The following PAK4 variants were observed in gnomAD, a reference collection of about 807,000 sequenced individuals.
The protein encoded by PAK4 is p21 (RAC1) activated kinase 4, also known as serine/threonine-protein kinase PAK 4.
Under a neutral mutation model 53.5 loss-of-function variants are expected in PAK4, and 49 were observed. The ratio of observed to expected loss-of-function variants is 0.92; its 90% CI spans 0.73 to 1.16. The LOEUF (loss-of-function observed/expected upper bound fraction) is 1.16, where lower values mean the gene tolerates loss of function less well. Among genes scored for constraint, PAK4 ranks in the 50% most tolerant of loss-of-function variants. The pLI, the probability that PAK4 is intolerant of heterozygous loss-of-function variation, is 0.00. For missense variants in PAK4, 824 were observed against 850.7 expected, an observed-to-expected ratio of 0.97 and a Z score of 0.39; for synonymous variants, 376 against 375.6, an observed-to-expected ratio of 1.00 and a Z score of -0.01.
rs1227321508 is a variant in PAK4 at position 39,161,817 on chromosome 19, C to T, written c.-22-7715C>T. 1.3e-5 allele frequency among the ~76,000 whole-genome samples: 2 copies of T among 152,020 alleles called. No individual in the cohort carries two copies. The highest frequency in any genetic ancestry group is 2.4e-5 in the African/African-American group (1 of 41,368). On this transcript the variant is annotated intron_variant, in intron 1 of 8. Transcript: ENST00000358301. This position sits in a 1 kb window ranked among gnomAD's most constrained non-coding sequence, Gnocchi z 4.5. ...TCCCTTGACCATATCAAGCAAATTCCTACCGCCCTGGCTGTTCCTTCCTCC... is the reference window on the plus strand; with the variant it reads ...TCCCTTGACCATATCAAGCAAATTCTTACCGCCCTGGCTGTTCCTTCCTCC...
At position 39,177,667 on chromosome 19, in the gene PAK4, C is replaced by A; in HGVS notation, c.1486-8C>A. ...AGCTCAGCCCTGCTGTCCCTTCTCC[C>A]GCCCCAGGTAGACATCTGGTCGCTG... On this transcript the variant is annotated splice_polypyrimidine_tract_variant and splice_region_variant and intron_variant, in intron 7 of 8. Coordinates refer to ENST00000358301, the Ensembl canonical transcript of PAK4. 1 of 1,610,386 alleles carries A rather than the reference C, an allele frequency of 6.2e-7. No homozygotes were observed. Among genetic ancestry groups the A allele is most frequent in the Non-Finnish European group, 8.5e-7 (1 of 1,177,726 alleles).
chr19:39,126,654 A>G (rs913127842), intron 1 of PAK4, among the ~76,000 whole-genome samples: 1 of 152,014 alleles, frequency 6.6e-6, no homozygotes, highest in South Asian at 2.1e-4. Flanking sequence ...GCACAAGGTC[A>G]CCCGATGCAT....
intron 1 of PAK4, chr19:39,152,127 G>A (rs1221848713): frequency 4.0e-5 from 6 of 151,078 alleles, no homozygotes; most frequent in African/African-American, 1.5e-4. Flanking sequence ...TAGAGACGAG[G>A]TCTCCCTATA....
chr19:39,149,913 A>G (rs2074065838), intron 1 of PAK4, among the ~76,000 whole-genome samples: 1 of 152,152 alleles, frequency 6.6e-6, no homozygotes, highest in African/African-American at 2.4e-5. Context: ...AGAAAGTAGA[A>G]CAGAGGTTAT....
At chr19:39,169,683 G>A (rs200500244) in exon 2 of PAK4, 10 of 1,612,990 alleles carry the variant, frequency 6.2e-6, no homozygotes, top group South Asian at 3.3e-5. Context: ...GAGCCTGATC[G>A]AGGAGTCGGC....
chr19:39,128,513 C>T (rs909362725), intron 1 of PAK4, among the ~76,000 whole-genome samples: 1 of 152,220 alleles, frequency 6.6e-6, no homozygotes, highest in Non-Finnish European at 1.5e-5. Context: ...AGGGTTTGGG[C>T]ATTGGAGACC....
intron 1 of PAK4, among the ~76,000 whole-genome samples, chr19:39,151,579 G>A (rs776320806): frequency 2.3e-4 from 35 of 152,202 alleles, no homozygotes; most frequent in Non-Finnish European, 4.6e-4. Flanking sequence ...CTGGCCCGAT[G>A]GGGACTGGCT....
intron 1 of PAK4, among the ~76,000 whole-genome samples, chr19:39,144,149 TAGA>T (rs375319083): frequency 1.5e-5 from 2 of 131,192 alleles, no homozygotes; most frequent in Admixed American, 7.8e-5. Flanking sequence ...GACAGATAGA[TAGA>T]TAGATAGATT....
intron 1 of PAK4, among the ~76,000 whole-genome samples, chr19:39,154,082 T>C (rs978732146): frequency 4.6e-5 from 7 of 152,168 alleles, no homozygotes; most frequent in Non-Finnish European, 1.0e-4. Context: ...ATTCATTCAT[T>C]CATTCTCCCT....
chr19:39,161,788 G>A lies in PAK4; in HGVS notation c.-22-7744G>A, dbSNP rs1045608580. 2.0e-5 allele frequency among the ~76,000 whole-genome samples: 3 copies of A among 151,560 alleles called. No individual in the cohort carries two copies. The highest frequency in any genetic ancestry group is 2.9e-5 in the Non-Finnish European group (2 of 67,940). The stretch of plus-strand genomic sequence containing the variant: ...CCTGCTCCAGCCACGTGGCCTCCTC[G>A]CTGTCCCTTGACCATATCAAGCAAA... On this transcript the variant is annotated intron_variant, in intron 1 of 8. Coordinates refer to ENST00000358301, the Ensembl canonical transcript of PAK4. The surrounding 1 kb of genome is among the most constrained non-coding windows in gnomAD (Gnocchi z 4.5).
intron 2 of PAK4, among the ~76,000 whole-genome samples, chr19:39,171,805 G>C (rs1271132903): frequency 3.3e-5 from 5 of 152,228 alleles, no homozygotes; most frequent in Non-Finnish European, 7.3e-5. Flanking sequence ...CAGGGCCCAC[G>C]TTCTCAGCTC....
At chr19:39,163,610 C>T (rs915622203) in intron 1 of PAK4, among the ~76,000 whole-genome samples, 3 of 152,124 alleles carry the variant, frequency 2.0e-5, no homozygotes, top group Admixed American at 6.5e-5. Context: ...CTGCCTGTCC[C>T]GCATGTTAAA....
At chr19:39,128,499 G>A (rs560489360) in intron 1 of PAK4, among the ~76,000 whole-genome samples, 1 of 152,352 alleles carries the variant, frequency 6.6e-6, no homozygotes, top group Admixed American at 6.5e-5. Context: ...AGATAAAGAA[G>A]GATAGGGTTT....
chr19:39,131,156 C>T (rs1034293502), intron 1 of PAK4, among the ~76,000 whole-genome samples: 2 of 152,094 alleles, frequency 1.3e-5, no homozygotes, highest in African/African-American at 4.8e-5. Context: ...GGATTGAACC[C>T]CAGGCCTTGG....
intron 1 of PAK4, among the ~76,000 whole-genome samples, chr19:39,142,162 G>C (rs1220045430): frequency 1.3e-5 from 2 of 152,154 alleles, no homozygotes; most frequent in Non-Finnish European, 2.9e-5. Context: ...GCTCTTTGGC[G>C]TGCATGTTGT....
intron 1 of PAK4, among the ~76,000 whole-genome samples, chr19:39,133,122 G>C (rs2073744997): frequency 6.6e-6 from 1 of 152,214 alleles, no homozygotes; most frequent in Non-Finnish European, 1.5e-5. Flanking sequence ...TCCGGAGCCA[G>C]CTTTGTCTCT....
intron 1 of PAK4, among the ~76,000 whole-genome samples, chr19:39,164,405 A>C (rs971198441): frequency 6.6e-6 from 1 of 152,024 alleles, no homozygotes; most frequent in African/African-American, 2.4e-5. Flanking sequence ...AGGGCTTGTG[A>C]GCACAGGCGG....
rs763460063 is a variant in PAK4 at position 39,175,111 on chromosome 19, T to C, written c.1232+47T>C. The C allele has an allele frequency of 1.9e-6, 3 of 1,570,888 alleles. 1 individual carries two copies. The highest frequency in any genetic ancestry group is 2.4e-5 in the South Asian group (2 of 82,998). On this transcript the variant is annotated intron_variant, in intron 5 of 8. Transcript: ENST00000358301. This position sits in a 1 kb window ranked among gnomAD's most constrained non-coding sequence, Gnocchi z 4.7. ...CCTCCTGTGACACGACCAAGTCCCC[T>C]CCAGACCACTAGGGGTGGGGCCACA...
chr19:39,134,422 GT>G (rs1337085300), intron 1 of PAK4, among the ~76,000 whole-genome samples: 1 of 152,166 alleles, frequency 6.6e-6, no homozygotes, highest in Admixed American at 6.5e-5. Flanking sequence ...TTTCCTGATA[GT>G]TTTTACCATG....
Sources: allele counts gnomAD v4.1 joint callset (sites outside exome capture counted in the v4.1 genomes callset), GRCh38; gene constraint gnomAD v4.1.1; non-coding constraint Gnocchi (gnomAD v3.1); transcripts MANE v1.5; gene names NCBI Gene and HGNC (gene_info 2026-07-23, HGNC 2026-07-21).